Variants in ZNF302 observed in about 807,000 individuals in gnomAD.
The protein encoded by ZNF302 is zinc finger protein 327.
Under a neutral mutation model 10.8 loss-of-function variants are expected in ZNF302, and 12 were observed. The ratio of observed to expected loss-of-function variants is 1.11; its 90% CI spans 0.71 to 1.79. The LOEUF (loss-of-function observed/expected upper bound fraction) is 1.79. ZNF302 is among the 40% of genes most tolerant of loss of function. The probability of loss-of-function intolerance (pLI) is 0.00; values close to 1 mark genes in which losing one functional copy is unlikely to be tolerated. For missense variants in ZNF302, 461 were observed against 471.1 expected, an observed-to-expected ratio of 0.98 and a Z score of 0.20; for synonymous variants, 178 against 157.5, an observed-to-expected ratio of 1.13 and a Z score of -0.98.
At position 34,684,333 on chromosome 19, in the gene ZNF302, T is replaced by C. The variant is rs1333060944; in HGVS notation, c.296T>C (p.Met99Thr). Residue 99 changes from methionine (M) to threonine (T), a missense_variant, in exon 5 of 5, where the codon ATG (methionine) becomes ACG (threonine). Coordinates refer to ENST00000505242, the MANE Select transcript of ZNF302 (RefSeq NM_001289187.2). ...YDEDSPQPVT[M>T]EKVVKQSYEF... is the part of the protein sequence containing the mutation. ...GAAGATTCACCCCAACCAGTAACAA[T>C]GGAAAAAGTTGTAAAACAAAGTTAT... 1 of 1,594,908 alleles carries C rather than the reference T, an allele frequency of 6.3e-7. No individual in the cohort carries two copies. The highest frequency in any genetic ancestry group is 1.4e-5 in the African/African-American group (1 of 73,024).
At chr19:34,681,125 G>A (rs1401539610) in intron 2 of ZNF302, among the ~76,000 whole-genome samples, 1 of 152,138 alleles carries the variant, frequency 6.6e-6, no homozygotes, top group East Asian at 1.9e-4. Context: ...GAACATGCAT[G>A]CAAAATATCC....
At chr19:34,676,656 G>T (rs1292102876), upstream of ZNF302, 1 of 152,096 alleles carries the variant, frequency 6.6e-6, no homozygotes. Context: ...CTCTCTCTTG[G>T]GGTCGGATCC....
chr19:34,684,363 T>G lies in ZNF302; in HGVS notation c.326T>G (p.Phe109Cys). The change falls in exon 5 of 5, where the codon TTT becomes TGT. Residue 109 changes from phenylalanine to cysteine, a missense_variant. Coordinates refer to ENST00000505242, the MANE Select transcript of ZNF302 (RefSeq NM_001289187.2). ...AAAGTTGTAAAACAAAGTTATGAAT[T>G]TTCAAATTCTAATAAGAATTTGGAA... Reference protein sequence around the residue: ...MEKVVKQSYEFSNSNKNLEYT... With the variant: ...MEKVVKQSYECSNSNKNLEYT... 6.2e-7 allele frequency: 1 copy of G among 1,601,896 alleles called. No individual in the cohort carries two copies. The highest frequency in any genetic ancestry group is 1.1e-5 in the South Asian group (1 of 87,372).
At chr19:34,681,923 A>G (rs147257319) in intron 2 of ZNF302, 1 of 152,240 alleles carries the variant, frequency 6.6e-6, no homozygotes, top group Non-Finnish European at 1.5e-5. Flanking sequence ...TGAATCAGTT[A>G]TGTGTATGTT....
At chr19:34,678,953 G>A in intron 2 of ZNF302, 140 bp downstream of exon 2, 1 of 930,542 alleles carries the variant, frequency 1.1e-6, no homozygotes, top group Non-Finnish European at 1.7e-6. Flanking sequence ...TAGGAAGAAT[G>A]GAGCCCACAG....
intron 2 of ZNF302, among the ~76,000 whole-genome samples, chr19:34,679,263 C>T (rs2145271294): frequency 6.6e-6 from 1 of 152,286 alleles, no homozygotes; most frequent in African/African-American, 2.4e-5. Context: ...CCACCACCAC[C>T]ACTACCACCC....
In ZNF302 at chr19:34,685,166, G is replaced by A. The variant is rs1367163327; in HGVS notation, c.1129G>A (p.Val377Ile). The change falls in exon 5 of 5, where the codon GTC (valine) becomes ATC (isoleucine). Residue 377 changes from valine (V) to isoleucine (I), a missense_variant. Val to Ile is a conservative substitution (Grantham distance 29). Coordinates refer to ENST00000505242, the MANE Select transcript of ZNF302 (RefSeq NM_001289187.2). ...KKYECNKCLKVFSSFSFLVQH... is the reference protein window; with the variant it reads ...KKYECNKCLKIFSSFSFLVQH... Reference sequence around the variant, plus strand: ...ATATGAATGCAACAAATGTCTCAAGGTCTTTAGTAGCTTCTCATTTCTTGT... The same window carrying A: ...ATATGAATGCAACAAATGTCTCAAGATCTTTAGTAGCTTCTCATTTCTTGT... 1.9e-6 allele frequency: 3 copies of A among 1,607,064 alleles called. No individual in the cohort carries two copies. Among genetic ancestry groups the A allele is most frequent in the East Asian group, 4.5e-5 (2 of 44,844 alleles).
At chr19:34,681,387 G>C (rs1442005220) in intron 2 of ZNF302, 3 of 152,180 alleles carry the variant, frequency 2.0e-5, no homozygotes, top group Non-Finnish European at 4.4e-5. Context: ...CATTTCCTTA[G>C]AATATTTTCT....
In ZNF302 at chr19:34,679,081, T is replaced by G. The variant is rs188216773; in HGVS notation, c.9+268T>G. Reference sequence around the variant, plus strand: ...TGTAATTCACAATGCAACTTTGGAATGTAAGGTTATTCGGTTTATGGTTGT... The same window carrying G: ...TGTAATTCACAATGCAACTTTGGAAGGTAAGGTTATTCGGTTTATGGTTGT... On this transcript the variant is annotated intron_variant, in intron 2 of 4. Coordinates refer to ENST00000505242, the MANE Select transcript of ZNF302 (RefSeq NM_001289187.2). Among the ~76,000 whole-genome samples, 850 of 152,372 alleles carry G rather than the reference T, an allele frequency of 5.6e-3. 3 individuals are homozygous for G. Among genetic ancestry groups the G allele is most frequent in the African/African-American group, 0.019 (804 of 41,590 alleles).
chr19:34,678,776 C>G lies in ZNF302; in HGVS notation c.-29C>G. ...CTAAGATAAGAACCTGGAAAGGGGA[C>G]TCTGTTGGCCATTGGAAATTGCAGA... On this transcript the variant is annotated 5_prime_UTR_variant, in exon 2 of 5. Transcript: ENST00000505242. The G allele has an allele frequency of 6.2e-7, 1 of 1,613,752 alleles. No individual in the cohort carries two copies. Among genetic ancestry groups the G allele is most frequent in the Non-Finnish European group, 8.5e-7 (1 of 1,179,722 alleles).
intron 4 of ZNF302, 58 bp from the exon 5 acceptor site, chr19:34,684,171 TAAAAAAAAAAAAAAAAAAAAAAA>T (rs746866893): frequency 1.3e-3 from 1,123 of 877,434 alleles, no homozygotes; most frequent in East Asian, 7.3e-3. Context: ...TTTCAAGAAG[TAAAAAAAAAAAAAAAAAAAAAAA>T]AAAAAAAAAA....
chr19:34,684,102 T>A, intron 4 of ZNF302, 150 bp from the exon 5 acceptor site: 1 of 1,524,562 alleles, frequency 6.6e-7, no homozygotes, highest in Non-Finnish European at 8.8e-7. Flanking sequence ...GTCAGAACTA[T>A]GTGTTTTCTG....
At position 34,678,760 on chromosome 19, in the gene ZNF302, G is replaced by A. The variant is rs377191417; in HGVS notation, c.-45G>A. 6.2e-7 allele frequency: 1 copy of A among 1,613,292 alleles called. No homozygotes were observed. Among genetic ancestry groups the A allele is most frequent in the Non-Finnish European group, 8.5e-7 (1 of 1,179,362 alleles). ...AGGACACTGCCCATCTCTAAGATAA[G>A]AACCTGGAAAGGGGACTCTGTTGGC... On this transcript the variant is annotated 5_prime_UTR_variant, in exon 2 of 5. Coordinates refer to ENST00000505242, the MANE Select transcript of ZNF302 (RefSeq NM_001289187.2).
chr19:34,678,375 G>C (rs1299878099), intron 1 of ZNF302, among the ~76,000 whole-genome samples: 1 of 147,066 alleles, frequency 6.8e-6, no homozygotes, highest in Non-Finnish European at 1.5e-5. Flanking sequence ...AGAGGTTGCA[G>C]TGAGTCGAGG....
At chr19:34,681,502 C>T (rs2068345704) in intron 2 of ZNF302, 1 of 152,174 alleles carries the variant, frequency 6.6e-6, no homozygotes, top group Non-Finnish European at 1.5e-5. Context: ...TCGTGGAAGA[C>T]AATTTTTCCA....
rs773585935 is a variant in ZNF302 at position 34,684,877 on chromosome 19, G to T, written c.840G>T (p.Thr280=). The change falls in exon 5 of 5, where the codon ACG becomes ACT. Residue 280 remains threonine, a synonymous_variant. Transcript: ENST00000505242. Reference sequence around the variant, plus strand: ...TTACTAACCATCAGAGCACTCACACGGGAGAGAAACCGTATGAATGTATGA... The same window carrying T: ...TTACTAACCATCAGAGCACTCACACTGGAGAGAAACCGTATGAATGTATGA... ...SSLTNHQSTH[T]GEKPYECMNC... is the part of the protein sequence containing the mutation. The T allele has an allele frequency of 5.4e-5, 87 of 1,613,626 alleles. No homozygotes were observed. In the Admixed American group the frequency reaches 1.1e-3, roughly 21 times the overall value.
chr19:34,681,133 T>C (rs1385195719), intron 2 of ZNF302: 1 of 152,402 alleles, frequency 6.6e-6, no homozygotes, highest in South Asian at 2.1e-4. Context: ...ATGCAAAATA[T>C]CCAAATAAAG....
upstream of ZNF302, chr19:34,677,422 G>C (rs547311516): frequency 5.3e-5 from 8 of 152,266 alleles, no homozygotes; most frequent in African/African-American, 1.9e-4. Flanking sequence ...GAGTTGTATC[G>C]TTCACCAGAG....
intron 2 of ZNF302, 184 bp from the exon 3 acceptor site, chr19:34,682,593 C>G: frequency 2.6e-6 from 2 of 760,990 alleles, no homozygotes; most frequent in East Asian, 3.1e-5. Flanking sequence ...TAACTGTCCC[C>G]TTTATTGTAT....
Sources: allele counts gnomAD v4.1 joint callset (sites outside exome capture counted in the v4.1 genomes callset), GRCh38; gene constraint gnomAD v4.1.1; transcripts MANE v1.5; gene names NCBI Gene and HGNC (gene_info 2026-07-23, HGNC 2026-07-21).